TENM4: variants seen among roughly 807,000 people sequenced by gnomAD.
The protein encoded by TENM4 is teneurin-4.
TENM4 carries 82 observed loss-of-function variants against 243.3 expected under a neutral mutation model. The ratio of observed to expected loss-of-function variants is 0.34; its 90% CI spans 0.28 to 0.40. TENM4 has a LOEUF of 0.40. Among genes scored for constraint, TENM4 ranks in the 10% least tolerant of loss-of-function variants. The pLI is 1.00. For synonymous variants in TENM4, 1,412 were observed against 1,456.3 expected (o/e 0.97, Z 0.69); for missense variants, 3,138 against 3,673.3 (o/e 0.85, Z 3.77).
intron 9 of TENM4, among the ~76,000 whole-genome samples, chr11:78,882,287 ATTCT>A (rs1855449856): frequency 6.6e-6 from 1 of 152,170 alleles, no homozygotes; most frequent in African/African-American, 2.4e-5. Flanking sequence ...TCTATCTGTA[ATTCT>A]TTCTCTACAC....
At chr11:79,275,301 T>C (rs1191625493) in intron 2 of TENM4, among the ~76,000 whole-genome samples, 2 of 152,316 alleles carry the variant, frequency 1.3e-5, no homozygotes, top group East Asian at 3.9e-4. Context: ...TCAACATTTA[T>C]GTGTGTATGC....
intron 9 of TENM4, among the ~76,000 whole-genome samples, chr11:78,871,351 T>G (rs1859123079): frequency 9.4e-6 from 1 of 106,756 alleles, no homozygotes. Flanking sequence ...GAGCTCTCTT[T>G]GTTGGCATCA....
chr11:79,344,949 A>G (rs1353324926), intron 1 of TENM4, among the ~76,000 whole-genome samples: 3 of 152,188 alleles, frequency 2.0e-5, no homozygotes, highest in African/African-American at 7.2e-5. Context: ...CTGCCATCCA[A>G]AGCTTCCATA....
intron 12 of TENM4, among the ~76,000 whole-genome samples, chr11:78,831,641 A>G (rs533342494): frequency 1.3e-5 from 2 of 152,364 alleles, no homozygotes; most frequent in South Asian, 2.1e-4. Context: ...CAGGTAGTGC[A>G]GCGGGGCTGG....
rs558643031 is a variant in TENM4 at position 78,934,873 on chromosome 11, T to G, written c.494-31350A>C. 1.3e-4 allele frequency among the ~76,000 whole-genome samples: 20 copies of G among 152,184 alleles called. No homozygotes were observed. In the South Asian group the frequency reaches 4.1e-3, roughly 32 times the overall value. ...ACTATATGCAAGTTTTTTTTATTTT[T>G]TATTTTTTTAGAGTAGAGGAACTTT... On this transcript the variant is annotated intron_variant, in intron 6 of 33. Transcript: ENST00000278550.
intron 12 of TENM4, among the ~76,000 whole-genome samples, chr11:78,843,631 C>T (rs1194489783): frequency 2.6e-5 from 4 of 152,080 alleles, no homozygotes; most frequent in Admixed American, 2.0e-4. Context: ...TGAAAAGCCC[C>T]GAAACTAGAA....
At chr11:79,106,761 A>G (rs1251395667) in intron 4 of TENM4, among the ~76,000 whole-genome samples, 3 of 152,182 alleles carry the variant, frequency 2.0e-5, no homozygotes, top group African/African-American at 7.2e-5. Context: ...TGGGACAAGA[A>G]CTCATCTGCT....
Position 78,746,625 on chromosome 11 carries a change from A to G in TENM4, c.2757-8055T>C, listed in dbSNP as rs187133641. ...TTCCAGGGAACTGAGCCCATCGACTATGGTGAGGGAGAAGCAGGACTGAGA... is the reference window on the plus strand; with the variant it reads ...TTCCAGGGAACTGAGCCCATCGACTGTGGTGAGGGAGAAGCAGGACTGAGA... On this transcript the variant is annotated intron_variant, in intron 19 of 33. Coordinates refer to ENST00000278550, the MANE Select transcript of TENM4 (RefSeq NM_001098816.3). Among the ~76,000 whole-genome samples, 8 of 152,324 alleles carry G rather than the reference A, an allele frequency of 5.3e-5. No individual in the cohort carries two copies. The East Asian group carries it at 1.5e-3, about 29-fold the overall frequency.
intron 7 of TENM4, among the ~76,000 whole-genome samples, chr11:78,902,906 C>G (rs1302364329): frequency 2.6e-5 from 4 of 152,162 alleles, no homozygotes; most frequent in Non-Finnish European, 4.4e-5. Flanking sequence ...CTGTTGGTCA[C>G]ACATCTGTGA....
intron 7 of TENM4, among the ~76,000 whole-genome samples, chr11:78,896,399 C>T (rs916038139): frequency 1.3e-5 from 2 of 152,130 alleles, no homozygotes; most frequent in Non-Finnish European, 2.9e-5. Flanking sequence ...TTCCAAGCCA[C>T]GGTCATCCTT....
chr11:79,347,840 C>T (rs886438460), intron 1 of TENM4, among the ~76,000 whole-genome samples: 3 of 133,724 alleles, frequency 2.2e-5, no homozygotes, highest in African/African-American at 5.8e-5. Flanking sequence ...ACTGCAGTGG[C>T]GCAATCTCGG....
At chr11:78,862,814 G>T in intron 10 of TENM4, 148 bp downstream of exon 10, 1 of 830,970 alleles carries the variant, frequency 1.2e-6, no homozygotes, top group Non-Finnish European at 1.6e-6. Flanking sequence ...CTGGCAGCTT[G>T]ACAGCTGGCG....
intron 25 of TENM4, among the ~76,000 whole-genome samples, chr11:78,715,422 T>G (rs1419330410): frequency 6.6e-6 from 1 of 152,196 alleles, no homozygotes; most frequent in Non-Finnish European, 1.5e-5. Context: ...GGGGGCCCTG[T>G]CCACTTAGAT....
rs141547091 is a variant in TENM4 at position 79,012,122 on chromosome 11, C to T, written c.493+52616G>A. 2.3e-3 allele frequency among the ~76,000 whole-genome samples: 357 copies of T among 152,222 alleles called. 2 individuals carry two copies. Among genetic ancestry groups the T allele is most frequent in the African/African-American group, 7.3e-3 (305 of 41,540 alleles). ...GCACATGTCTCCAGAAAAATGAGAC[C>T]GGCTCCTCTGTCCTGGGGGACGCAA... On this transcript the variant is annotated intron_variant, in intron 6 of 33. Transcript: ENST00000278550.
intron 4 of TENM4, among the ~76,000 whole-genome samples, chr11:79,082,332 G>A (rs1488448860): frequency 6.6e-6 from 1 of 152,164 alleles, no homozygotes; most frequent in Non-Finnish European, 1.5e-5. Flanking sequence ...GGTTTGTGAA[G>A]GGGGCAACTG....
At chr11:79,185,577 T>C (rs1237441783) in intron 3 of TENM4, among the ~76,000 whole-genome samples, 2 of 152,182 alleles carry the variant, frequency 1.3e-5, no homozygotes, top group African/African-American at 4.8e-5. Context: ...AGACAATCAA[T>C]GTGGAATTTT....
At chr11:78,956,831 A>G (rs1325678081) in intron 6 of TENM4, among the ~76,000 whole-genome samples, 1 of 152,206 alleles carries the variant, frequency 6.6e-6, no homozygotes, top group Admixed American at 6.5e-5. Context: ...TTCATGTTTC[A>G]CGGCAGAAAT....
chr11:79,323,167 A>C (rs1260594801), intron 1 of TENM4, among the ~76,000 whole-genome samples: 1 of 152,254 alleles, frequency 6.6e-6, no homozygotes, highest in Non-Finnish European at 1.5e-5. Flanking sequence ...GAAATTTGCT[A>C]TAATGAAATT....
rs1339006643 is a variant in TENM4, at chr11:78,895,243, G to A, written c.750-3907C>T. The stretch of plus-strand genomic sequence containing the variant: ...CCCAGCTACTCAGGAGGCTGAGGCA[G>A]GAGAATCGCTTGGACCCAGGAGGCA... On this transcript the variant is annotated intron_variant, in intron 7 of 33. Coordinates refer to ENST00000278550, the MANE Select transcript of TENM4 (RefSeq NM_001098816.3). Among the ~76,000 whole-genome samples, 4 of 151,908 alleles carry A rather than the reference G, an allele frequency of 2.6e-5. No individual in the cohort carries two copies. The East Asian group carries it at 7.8e-4, about 30-fold the overall frequency.
Sources: allele counts gnomAD v4.1 joint callset (sites outside exome capture counted in the v4.1 genomes callset), GRCh38; gene constraint gnomAD v4.1.1; transcripts MANE v1.5; gene names NCBI Gene and HGNC (gene_info 2026-07-23, HGNC 2026-07-21).